The following PALM2AKAP2 variants were observed in gnomAD, a reference collection of about 807,000 sequenced individuals.
PALM2AKAP2 encodes PALM2 and AKAP2 fusion.
Under a neutral mutation model 71.5 loss-of-function variants are expected in PALM2AKAP2, and 37 were observed. The observed-to-expected ratio is 0.52, with a 90% CI of 0.40 to 0.68. The LOEUF is 0.68. Among genes scored for constraint, PALM2AKAP2 ranks in the 30% least tolerant of loss-of-function variants. PALM2AKAP2 has a pLI of 0.00. For synonymous variants in PALM2AKAP2, 468 were observed against 478.8 expected (o/e 0.98, Z 0.29); for missense variants, 1,224 against 1,191.8 (o/e 1.03, Z -0.40).
intron 2 of PALM2AKAP2, among the ~76,000 whole-genome samples, chr9:110,140,103 T>C (rs997795033): frequency 1.3e-5 from 2 of 152,258 alleles, no homozygotes; most frequent in Non-Finnish European, 2.9e-5. Flanking sequence ...TGTGGTATTC[T>C]GCAATTTTCA....
At chr9:109,851,882 A>C (rs1243804937) in intron 1 of PALM2AKAP2, among the ~76,000 whole-genome samples, 1 of 152,146 alleles carries the variant, frequency 6.6e-6, no homozygotes, top group African/African-American at 2.4e-5. Flanking sequence ...CACCTCTATT[A>C]GTGGGTAAAA....
At chr9:110,092,381 A>G (rs925362112) in intron 1 of PALM2AKAP2, among the ~76,000 whole-genome samples, 1 of 152,216 alleles carries the variant, frequency 6.6e-6, no homozygotes, top group Non-Finnish European at 1.5e-5. Context: ...TCAAAGTTAT[A>G]AATGGGAAAA....
At chr9:109,915,024 A>G (rs7851625) in intron 3 of PALM2AKAP2, among the ~76,000 whole-genome samples, 47,306 of 151,806 alleles carry the variant, frequency 0.31, 8,190 homozygotes, top group East Asian at 0.68. Context: ...CTACTGCTGG[A>G]CCTCTTTGTA....
At chr9:110,006,178 CT>C (rs1258374629) in intron 6 of PALM2AKAP2, among the ~76,000 whole-genome samples, 2 of 151,296 alleles carry the variant, frequency 1.3e-5, no homozygotes, top group African/African-American at 4.9e-5. Flanking sequence ...CACCTCTTTT[CT>C]TTTTTTTTCT....
intron 1 of PALM2AKAP2, among the ~76,000 whole-genome samples, chr9:109,864,793 T>C (rs968263706): frequency 1.3e-5 from 2 of 152,198 alleles, no homozygotes; most frequent in African/African-American, 2.4e-5. Flanking sequence ...TAATCCACCT[T>C]ATGTATGAAT....
intron 1 of PALM2AKAP2, among the ~76,000 whole-genome samples, chr9:109,698,109 C>G (rs1342143786): frequency 6.6e-6 from 1 of 152,152 alleles, no homozygotes; most frequent in Non-Finnish European, 1.5e-5. Context: ...TGAGACCACA[C>G]ATTGTCTCTG....
chr9:109,931,341 A>G (rs1056030630), intron 5 of PALM2AKAP2, among the ~76,000 whole-genome samples: 25 of 152,324 alleles, frequency 1.6e-4, no homozygotes, highest in African/African-American at 5.8e-4. Context: ...GAATCTCAGG[A>G]CTTTCTAGCT....
At chr9:110,078,025 A>AG (rs1475378804) in intron 1 of PALM2AKAP2, among the ~76,000 whole-genome samples, 4 of 152,074 alleles carry the variant, frequency 2.6e-5, no homozygotes, top group South Asian at 2.1e-4. Flanking sequence ...AAAAAAAAAA[A>AG]AAAGAAAGAA....
chr9:109,747,677 C>A lies in PALM2AKAP2; in HGVS notation c.6-32811C>A, dbSNP rs546579889. On this transcript the variant is annotated intron_variant, in intron 1 of 6. Coordinates refer to the PALM2AKAP2 transcript ENST00000374531. ...AATACTGTAACTCCATAATTTTTTTCTTTTTTTTTTGAGACAGAGTCTCAC... is the reference window on the plus strand; with the variant it reads ...AATACTGTAACTCCATAATTTTTTTATTTTTTTTTTGAGACAGAGTCTCAC... Among the ~76,000 whole-genome samples the A allele has an allele frequency of 3.4e-5, 5 of 148,744 alleles. No individual in the cohort carries two copies. In the East Asian group the frequency reaches 9.8e-4, roughly 29 times the overall value.
At chr9:109,970,632 A>G (rs1418157291) in intron 6 of PALM2AKAP2, among the ~76,000 whole-genome samples, 1 of 152,240 alleles carries the variant, frequency 6.6e-6, no homozygotes, top group Non-Finnish European at 1.5e-5. Flanking sequence ...GCCTGGTGAT[A>G]CATTCAGCAC....
intron 5 of PALM2AKAP2, 126 bp downstream of exon 5, chr9:109,925,208 C>T (rs1380331974): frequency 1.4e-5 from 20 of 1,464,462 alleles, no homozygotes; most frequent in South Asian, 2.4e-5. Context: ...GAAGTAGCAG[C>T]GCTGGTTGCA....
intron 1 of PALM2AKAP2, among the ~76,000 whole-genome samples, chr9:109,794,151 A>G (rs1827186767): frequency 1.3e-5 from 2 of 152,176 alleles, no homozygotes; most frequent in South Asian, 4.1e-4. Context: ...TGGGCTTACC[A>G]TGATGAGAGG....
chr9:110,010,467 AT>A (rs1178608429), intron 6 of PALM2AKAP2, among the ~76,000 whole-genome samples: 1 of 148,186 alleles, frequency 6.7e-6, no homozygotes, highest in Non-Finnish European at 1.5e-5. Flanking sequence ...TATAATATGT[AT>A]TATACATACT....
chr9:110,141,794 C>G (rs2119134715), intron 2 of PALM2AKAP2, among the ~76,000 whole-genome samples: 1 of 152,276 alleles, frequency 6.6e-6, no homozygotes, highest in East Asian at 1.9e-4. Context: ...AGAAATCATG[C>G]TGGTGGCATG....
At chr9:110,004,878 A>C (rs1041194167) in intron 6 of PALM2AKAP2, among the ~76,000 whole-genome samples, 7 of 152,208 alleles carry the variant, frequency 4.6e-5, no homozygotes, top group African/African-American at 1.7e-4. Context: ...TTTCAGCTCC[A>C]TCAGGTCCTT....
intron 6 of PALM2AKAP2, among the ~76,000 whole-genome samples, chr9:110,001,604 C>T (rs1588052575): frequency 1.3e-5 from 2 of 152,224 alleles, no homozygotes; most frequent in African/African-American, 4.8e-5. Flanking sequence ...TTACCTTGGA[C>T]AGTATGGCCA....
At chr9:110,095,729 T>C (rs1360277460) in intron 1 of PALM2AKAP2, among the ~76,000 whole-genome samples, 1 of 152,214 alleles carries the variant, frequency 6.6e-6, no homozygotes, top group Non-Finnish European at 1.5e-5. Context: ...CATCTTGTGC[T>C]ATATTCTGGT....
intron 1 of PALM2AKAP2, among the ~76,000 whole-genome samples, chr9:109,698,427 G>A (rs535681284): frequency 1.3e-5 from 2 of 152,190 alleles, no homozygotes; most frequent in South Asian, 4.2e-4. Flanking sequence ...ATAGGCGCAT[G>A]CCACCACGCC....
chr9:109,730,878 A>T (rs1164197547), intron 1 of PALM2AKAP2, among the ~76,000 whole-genome samples: 6 of 152,118 alleles, frequency 3.9e-5, no homozygotes, highest in Admixed American at 3.9e-4. Flanking sequence ...CCAACAACAT[A>T]TCTTGAATAG....
Sources: allele counts gnomAD v4.1 joint callset (sites outside exome capture counted in the v4.1 genomes callset), GRCh38; gene constraint gnomAD v4.1.1; transcripts MANE v1.5; gene names NCBI Gene and HGNC (gene_info 2026-07-23, HGNC 2026-07-21).